EFCAB14: variants seen among roughly 807,000 people sequenced by gnomAD.
EFCAB14 encodes EF-hand calcium binding domain 14.
EFCAB14 carries 43 observed loss-of-function variants against 56.5 expected under a neutral mutation model. The ratio of observed to expected loss-of-function variants is 0.76; its 90% CI spans 0.60 to 0.98. EFCAB14 has a LOEUF of 0.98. Ranked by LOEUF, EFCAB14 falls within the 50% of genes least tolerant of loss-of-function variation. The pLI, the probability that EFCAB14 is intolerant of heterozygous loss-of-function variation, is 0.00. For synonymous variants in EFCAB14, 235 were observed against 212.9 expected (o/e 1.10, Z -0.90); for missense variants, 538 against 580.3 (o/e 0.93, Z 0.75).
At chr1:46,703,252 G>C (rs1001954469) in intron 3 of EFCAB14, among the ~76,000 whole-genome samples, 2 of 152,072 alleles carry the variant, frequency 1.3e-5, no homozygotes, top group Non-Finnish European at 2.9e-5. Context: ...TGGGATTACA[G>C]GTGCTCGCCA....
intron 10 of EFCAB14, among the ~76,000 whole-genome samples, chr1:46,682,633 T>A (rs767993563): frequency 6.6e-6 from 1 of 152,224 alleles, no homozygotes; most frequent in African/African-American, 2.4e-5. Context: ...TATCTTATAC[T>A]GTATTCTTAT....
intron 4 of EFCAB14, among the ~76,000 whole-genome samples, chr1:46,694,433 C>T (rs2148844373): frequency 6.6e-6 from 1 of 152,296 alleles, no homozygotes; most frequent in South Asian, 2.1e-4. Flanking sequence ...CGAACAGACA[C>T]TTCTCAAAAG....
chr1:46,696,105 ATC>A (rs1677074455), intron 4 of EFCAB14, among the ~76,000 whole-genome samples: 2 of 147,972 alleles, frequency 1.4e-5, no homozygotes, highest in Non-Finnish European at 3.0e-5. Flanking sequence ...TCCCCAGGTC[ATC>A]TTTTTTTTTT....
Position 46,718,124 on chromosome 1 carries a change from G to C in EFCAB14, c.-37C>G, listed in dbSNP as rs763251758. ...GGGTGAGTGGAGCCCCGACTCCTGA[G>C]CTGCCAGGTTCGTACCCGATGCCCA... On this transcript the variant is annotated 5_prime_UTR_variant, in exon 1 of 11. Coordinates refer to ENST00000371933, the MANE Select transcript of EFCAB14 (RefSeq NM_014774.3). The C allele has an allele frequency of 4.4e-6, 7 of 1,603,980 alleles. No homozygotes were observed. In the Admixed American group the frequency reaches 1.0e-4, roughly 23 times the overall value.
rs973472319 is a variant in EFCAB14, at chr1:46,691,849, A to G, written c.668T>C (p.Met223Thr). The change falls in exon 5 of 11, where the codon ATG (methionine) becomes ACG (threonine). Residue 223 changes from methionine (M) to threonine (T), a missense_variant. Physicochemically the swap from Met to Thr is moderately conservative, Grantham distance 81. Transcript: ENST00000371933. ...TACCATATCACTCTGCAGTAATTCC[A>G]TCGTTTTCTTGTGTTCATCCACAGT... is the stretch of plus-strand genomic sequence containing the variant. ...QKTVDEHKKT[M>T]ELLQSDMNQH... 18 of 1,613,334 alleles carry G rather than the reference A, an allele frequency of 1.1e-5. No individual in the cohort carries two copies. In the African/African-American group the frequency reaches 2.0e-4, roughly 18 times the overall value.
intron 7 of EFCAB14, 156 bp from the exon 8 acceptor site, chr1:46,687,026 A>G (rs1366183369): frequency 3.0e-6 from 2 of 659,866 alleles, no homozygotes; most frequent in Non-Finnish European, 5.2e-6. Context: ...AGATGGGAGG[A>G]GAGAGGGAGA....
chr1:46,686,917 CA>C (rs1420272629), intron 7 of EFCAB14, 47 bp from the exon 8 acceptor site: 19 of 1,577,252 alleles, frequency 1.2e-5, no homozygotes, highest in Non-Finnish European at 1.7e-5. Context: ...AGATTAAAGG[CA>C]AACATTAAAA....
At chr1:46,679,449 C>T (rs1440154110) in intron 10 of EFCAB14, among the ~76,000 whole-genome samples, 2 of 150,602 alleles carry the variant, frequency 1.3e-5, no homozygotes, top group Non-Finnish European at 3.0e-5. Context: ...TACAGGCGCC[C>T]GCCACCACGC....
Position 46,694,776 on chromosome 1 carries a change from C to G in EFCAB14, c.579+1775G>C, listed in dbSNP as rs375333287. ...TCATGTTGCTATAAAGACACACGCACACTTATGTTTATTGCGGCACTATTC... is the reference window on the plus strand; with the variant it reads ...TCATGTTGCTATAAAGACACACGCAGACTTATGTTTATTGCGGCACTATTC... On this transcript the variant is annotated intron_variant, in intron 4 of 10. Transcript: ENST00000371933. 4.2e-4 allele frequency among the ~76,000 whole-genome samples: 64 copies of G among 152,262 alleles called. 1 individual carries two copies. In the East Asian group the frequency reaches 6.6e-3, roughly 16 times the overall value.
rs1677439296 is a variant in EFCAB14, at chr1:46,718,780, G to T, written c.-693C>A. 1 of 152,380 alleles carries T rather than the reference G, an allele frequency of 6.6e-6. No individual in the cohort carries two copies. Among genetic ancestry groups the T allele is most frequent in the Non-Finnish European group, 1.5e-5 (1 of 68,168 alleles). 9.4% of individuals were successfully genotyped at this position (152,380 alleles called of 1,614,324 possible). A position where few individuals can be genotyped will look rare whatever the true frequency, so the allele number is the denominator to read the frequency against. On this transcript the variant is annotated 5_prime_UTR_variant, in exon 1 of 11. Transcript: ENST00000371933. ...GTGAAGGGGGCCCGAGGCCGAGGAA[G>T]ATCCGGAGCCCGGCTAGAAGGGTCG...
chr1:46,709,507 A>G (rs1677277701), intron 2 of EFCAB14, among the ~76,000 whole-genome samples: 1 of 152,154 alleles, frequency 6.6e-6, no homozygotes, highest in South Asian at 2.1e-4. Context: ...AACTTTACTC[A>G]TCGGTCTCCT....
At chr1:46,685,057 A>T (rs950541172) in intron 8 of EFCAB14, 2 of 153,050 alleles carry the variant, frequency 1.3e-5, no homozygotes, top group African/African-American at 4.8e-5. Flanking sequence ...CACCTTACAA[A>T]AAGAAGCAAC....
intron 4 of EFCAB14, 122 bp from the exon 5 acceptor site, chr1:46,692,059 G>A: frequency 1.5e-6 from 1 of 655,570 alleles, no homozygotes; most frequent in Non-Finnish European, 2.5e-6. Flanking sequence ...TGTGAAACCA[G>A]TACTACAATC....
intron 10 of EFCAB14, among the ~76,000 whole-genome samples, chr1:46,679,660 G>C (rs1191290487): frequency 2.1e-5 from 3 of 139,852 alleles, no homozygotes; most frequent in Non-Finnish European, 4.5e-5. Context: ...ACCCAGGCTG[G>C]AGTGCAGTGG....
At chr1:46,699,663 T>TAAC (rs768201305) in intron 3 of EFCAB14, among the ~76,000 whole-genome samples, 5 of 152,150 alleles carry the variant, frequency 3.3e-5, no homozygotes, top group African/African-American at 4.8e-5. Flanking sequence ...ATAATAATAA[T>TAAC]AACAACAACA....
chr1:46,709,292 T>G (rs1346979605), intron 2 of EFCAB14, among the ~76,000 whole-genome samples: 1 of 152,234 alleles, frequency 6.6e-6, no homozygotes, highest in Non-Finnish European at 1.5e-5. Flanking sequence ...CAAGCTGATC[T>G]TCCTGACACA....
At chr1:46,682,343 GA>G (rs1676809275) in intron 10 of EFCAB14, 1 of 152,220 alleles carries the variant, frequency 6.6e-6, no homozygotes, top group African/African-American at 2.4e-5. Flanking sequence ...AGGAGCAAGT[GA>G]TTTGCCAGGC....
intron 3 of EFCAB14, among the ~76,000 whole-genome samples, chr1:46,701,008 T>TGTGTGTGTGC (rs1480057689): frequency 6.6e-6 from 1 of 151,918 alleles, no homozygotes; most frequent in African/African-American, 2.4e-5. Flanking sequence ...TGTGTGTGTG[T>TGTGTGTGTGC]GTGCATGTGA....
At chr1:46,717,654 C>T (rs1273240383) in intron 1 of EFCAB14, among the ~76,000 whole-genome samples, 1 of 152,224 alleles carries the variant, frequency 6.6e-6, no homozygotes, top group Non-Finnish European at 1.5e-5. Context: ...GCTCTTGGCA[C>T]ATTCTCCAAG....
Sources: allele counts gnomAD v4.1 joint callset (sites outside exome capture counted in the v4.1 genomes callset), GRCh38; gene constraint gnomAD v4.1.1; transcripts MANE v1.5; gene names NCBI Gene and HGNC (gene_info 2026-07-23, HGNC 2026-07-21).